Variants in NUP58 observed in about 807,000 individuals in gnomAD.
NUP58 encodes the protein nucleoporin 58, also known as nucleoporin p58/p45.
Under a neutral mutation model 70.1 loss-of-function variants are expected in NUP58, and 17 were observed. The ratio of observed to expected loss-of-function variants is 0.24; its 90% CI spans 0.17 to 0.36. NUP58 has a LOEUF of 0.36. Among genes scored for constraint, NUP58 ranks in the 10% least tolerant of loss-of-function variants. The pLI, the probability that NUP58 is intolerant of heterozygous loss-of-function variation, is 1.00. For synonymous variants in NUP58, 275 were observed against 257.6 expected (o/e 1.07, Z -0.65); for missense variants, 644 against 701.5 (o/e 0.92, Z 0.93).
At chr13:25,326,832 A>G in intron 10 of NUP58, 84 bp from the exon 11 acceptor site, 2 of 702,490 alleles carry the variant, frequency 2.8e-6, no homozygotes, top group Admixed American at 2.6e-5. Context: ...AGACTATTAA[A>G]TGATTGCAGA....
At chr13:25,339,916 T>G in intron 15 of NUP58, 49 bp from the exon 16 acceptor site, 2 of 1,472,472 alleles carry the variant, frequency 1.4e-6, no homozygotes, top group Non-Finnish European at 1.8e-6. Context: ...TTTATATTTG[T>G]TTTTGGAATT....
Position 25,313,684 on chromosome 13 carries a change from C to T in NUP58, c.507C>T (p.Leu169=), listed in dbSNP as rs148762402. The change falls in exon 5 of 16, where the codon CTC becomes CTT. Residue 169 remains leucine, a synonymous_variant. Transcript: ENST00000381736. ...TATTTTASTG[L]SLGGALAGLG... ...CAACTACAACTGCATCAACAGGCCTCTCTTTAGGGGGAGCCTTAGCTGGTT... is the reference window on the plus strand; with the variant it reads ...CAACTACAACTGCATCAACAGGCCTTTCTTTAGGGGGAGCCTTAGCTGGTT... The T allele has an allele frequency of 3.3e-4, 508 of 1,532,036 alleles. 3 individuals carry two copies. The African/African-American group carries it at 6.1e-3, about 18-fold the overall frequency. 94.9% of individuals were successfully genotyped at this position (1,532,036 alleles called of 1,614,324 possible). A position where few individuals can be genotyped will look rare whatever the true frequency, so the allele number is the denominator to read the frequency against.
At chr13:25,319,866 T>C (rs1289605891) in intron 7 of NUP58, among the ~76,000 whole-genome samples, 1 of 152,092 alleles carries the variant, frequency 6.6e-6, no homozygotes, top group African/African-American at 2.4e-5. Context: ...ACAAATTCAC[T>C]CCTTACAAAC....
chr13:25,322,776 G>C (rs1440900333), intron 9 of NUP58, among the ~76,000 whole-genome samples: 2 of 152,096 alleles, frequency 1.3e-5, no homozygotes, highest in East Asian at 3.9e-4. Flanking sequence ...TACTCAACCT[G>C]TATTGCCCCA....
intron 1 of NUP58, among the ~76,000 whole-genome samples, chr13:25,305,381 GCTGGGCTCAAGCTT>G (rs1304120191): frequency 2.6e-5 from 4 of 151,946 alleles, no homozygotes; most frequent in African/African-American, 7.3e-5. Context: ...TGTGGCCCAG[GCTGGGCTCAAGCTT>G]CTGGGCTCAA....
intron 8 of NUP58, 129 bp from the exon 9 acceptor site, chr13:25,320,790 A>G (rs2031146629): frequency 2.7e-6 from 2 of 739,074 alleles, no homozygotes; most frequent in African/African-American, 3.6e-5. Flanking sequence ...TTCTGTAAAA[A>G]AGTGTGAACT....
At chr13:25,333,584 C>A (rs763497195) in intron 13 of NUP58, 68 of 985,262 alleles carry the variant, frequency 6.9e-5, no homozygotes, top group Admixed American at 1.2e-4. Context: ...TTTACATTAT[C>A]TTTTCTTTCT....
At chr13:25,326,885 T>A in intron 10 of NUP58, 31 bp from the exon 11 acceptor site, 5 of 1,275,728 alleles carry the variant, frequency 3.9e-6, no homozygotes, top group Non-Finnish European at 5.6e-6. Flanking sequence ...TAAAAAAATA[T>A]TTGATCTGAC....
chr13:25,321,360 A>G (rs1313895806), intron 9 of NUP58, among the ~76,000 whole-genome samples: 1 of 152,174 alleles, frequency 6.6e-6, no homozygotes, highest in East Asian at 1.9e-4. Flanking sequence ...TATCCCCATT[A>G]TATAAATAAG....
At chr13:25,337,762 A>G (rs1217134551) in intron 14 of NUP58, among the ~76,000 whole-genome samples, 5 of 152,198 alleles carry the variant, frequency 3.3e-5, no homozygotes, top group Admixed American at 2.6e-4. Flanking sequence ...ACTCTGTTCT[A>G]AATTAGGAAT....
chr13:25,329,072 G>A (rs1482235989), intron 12 of NUP58, among the ~76,000 whole-genome samples: 1 of 151,962 alleles, frequency 6.6e-6, no homozygotes, highest in Admixed American at 6.6e-5. Flanking sequence ...TCTAAAGGAG[G>A]AATTTTATCA....
chr13:25,315,108 T>C (rs2030865372), intron 5 of NUP58, among the ~76,000 whole-genome samples: 1 of 152,192 alleles, frequency 6.6e-6, no homozygotes, highest in South Asian at 2.1e-4. Flanking sequence ...GCCTACATAC[T>C]GAATTGATAT....
chr13:25,319,735 G>C (rs1025564700), intron 7 of NUP58, among the ~76,000 whole-genome samples: 1 of 151,992 alleles, frequency 6.6e-6, no homozygotes, highest in Admixed American at 6.6e-5. Context: ...GGTGTTTTCA[G>C]TGAAGAGAAT....
intron 13 of NUP58, chr13:25,332,081 A>T (rs2031627114): frequency 1.0e-6 from 1 of 996,162 alleles, no homozygotes. Flanking sequence ...TGTTGACTGT[A>T]AACAGAATAC....
At chr13:25,333,827 G>A in intron 13 of NUP58, 4 of 985,394 alleles carry the variant, frequency 4.1e-6, no homozygotes, top group Non-Finnish European at 4.8e-6. Context: ...TGAGGGTAGA[G>A]AGAGCTTATG....
At chr13:25,311,718 A>G (rs2030677921) in intron 3 of NUP58, among the ~76,000 whole-genome samples, 1 of 149,724 alleles carries the variant, frequency 6.7e-6, no homozygotes, top group Non-Finnish European at 1.5e-5. Flanking sequence ...TAATTTTAAG[A>G]ATAGATTAGA....
downstream of NUP58, among the ~76,000 whole-genome samples, chr13:25,345,949 CA>C (rs1397742298): frequency 6.6e-6 from 1 of 152,064 alleles, no homozygotes; most frequent in African/African-American, 2.4e-5. Context: ...CTAATGGAAA[CA>C]AAAAACCTAC....
At chr13:25,303,395 A>C (rs1459306878) in intron 1 of NUP58, among the ~76,000 whole-genome samples, 1 of 152,150 alleles carries the variant, frequency 6.6e-6, no homozygotes, top group Non-Finnish European at 1.5e-5. Context: ...ATGAAGTTTC[A>C]GAGAAAGATA....
At chr13:25,320,233 T>A in intron 7 of NUP58, 1 of 214,738 alleles carries the variant, frequency 4.7e-6, no homozygotes, top group Admixed American at 6.0e-5. Flanking sequence ...CAATTTGCAG[T>A]ATTCTCTGAT....
Sources: allele counts gnomAD v4.1 joint callset (sites outside exome capture counted in the v4.1 genomes callset), GRCh38; gene constraint gnomAD v4.1.1; transcripts MANE v1.5; gene names NCBI Gene and HGNC (gene_info 2026-07-23, HGNC 2026-07-21).